DYNC1I1: variants seen among roughly 807,000 people sequenced by gnomAD.
DYNC1I1 encodes the protein dynein cytoplasmic 1 intermediate chain 1.
DYNC1I1 carries 43 observed loss-of-function variants against 86.6 expected under a neutral mutation model. The observed-to-expected ratio is 0.50, with a 90% CI of 0.39 to 0.64. DYNC1I1 has a LOEUF of 0.64. DYNC1I1 is among the 30% of genes least tolerant of loss of function. DYNC1I1 has a pLI of 0.00. For synonymous variants in DYNC1I1, 262 were observed against 283.7 expected (o/e 0.92, Z 0.77); for missense variants, 604 against 788.8 (o/e 0.77, Z 2.81).
intron 6 of DYNC1I1, among the ~76,000 whole-genome samples, chr7:95,916,187 CTA>C (rs1220102547): frequency 6.6e-6 from 1 of 152,184 alleles, no homozygotes; most frequent in Non-Finnish European, 1.5e-5. Context: ...ATATTTCTAA[CTA>C]AAAATTATCT....
chr7:95,992,463 A>T (rs1197643465), intron 9 of DYNC1I1, among the ~76,000 whole-genome samples: 1 of 152,128 alleles, frequency 6.6e-6, no homozygotes, highest in Non-Finnish European at 1.5e-5. Context: ...ATAGCATGGA[A>T]TATGTTATTT....
At position 96,019,977 on chromosome 7, in the gene DYNC1I1, T is replaced by G. The variant is rs563617322; in HGVS notation, c.970-8198T>G. Among the ~76,000 whole-genome samples the G allele has an allele frequency of 3.3e-5, 5 of 150,464 alleles. No homozygotes were observed. In the East Asian group the frequency reaches 9.8e-4, roughly 30 times the overall value. On this transcript the variant is annotated intron_variant, in intron 10 of 16. Transcript: ENST00000447467. ...AATCTTCCAACAGCCCCAGGGAAAATAGGCAAAGAAAATGCCTGTTCCATA... is the reference window on the plus strand; with the variant it reads ...AATCTTCCAACAGCCCCAGGGAAAAGAGGCAAAGAAAATGCCTGTTCCATA...
rs368606523 is a variant in DYNC1I1, at chr7:96,080,493, G to A, written c.1776+5G>A. The A allele has an allele frequency of 9.2e-5, 148 of 1,614,012 alleles. No individual in the cohort carries two copies. Among genetic ancestry groups the A allele is most frequent in the Non-Finnish European group, 1.1e-4 (134 of 1,180,016 alleles). Reference sequence around the variant, plus strand: ...TGGGTCTATGACGTTGGAGAGGTACGTGTGTATTTGTGTTGTTGTTACTGT... The same window carrying A: ...TGGGTCTATGACGTTGGAGAGGTACATGTGTATTTGTGTTGTTGTTACTGT... On this transcript the variant is annotated splice_donor_5th_base_variant and intron_variant, in intron 16 of 16. Transcript: ENST00000447467.
chr7:96,047,162 G>C (rs1055541530), intron 14 of DYNC1I1, among the ~76,000 whole-genome samples: 1 of 152,006 alleles, frequency 6.6e-6, no homozygotes, highest in Non-Finnish European at 1.5e-5. Flanking sequence ...TCTTTTATAA[G>C]GATACTAATC....
intron 8 of DYNC1I1, among the ~76,000 whole-genome samples, chr7:95,985,861 G>A (rs906996631): frequency 6.6e-6 from 1 of 152,132 alleles, no homozygotes; most frequent in East Asian, 1.9e-4. Context: ...ACAGTAGGCA[G>A]CATCTTTAGA....
chr7:95,794,484 C>A (rs1322956014), intron 1 of DYNC1I1, among the ~76,000 whole-genome samples: 1 of 152,090 alleles, frequency 6.6e-6, no homozygotes, highest in Non-Finnish European at 1.5e-5. Flanking sequence ...CCATAGGGGT[C>A]AGAAATTAAA....
intron 6 of DYNC1I1, among the ~76,000 whole-genome samples, chr7:95,872,688 C>T (rs1790204026): frequency 6.6e-6 from 1 of 152,186 alleles, no homozygotes. Flanking sequence ...GTTCTTTCAA[C>T]AAGGTTAGAC....
At chr7:95,846,946 G>T (rs1789449086) in intron 5 of DYNC1I1, among the ~76,000 whole-genome samples, 1 of 152,102 alleles carries the variant, frequency 6.6e-6, no homozygotes, top group African/African-American at 2.4e-5. Context: ...GTGGCTCCCA[G>T]GTCCTCATTT....
At chr7:95,840,152 T>G (rs1789241521) in intron 5 of DYNC1I1, among the ~76,000 whole-genome samples, 1 of 152,200 alleles carries the variant, frequency 6.6e-6, no homozygotes, top group Admixed American at 6.5e-5. Flanking sequence ...TTTTCAGCCA[T>G]TATTTCTCTG....
intron 6 of DYNC1I1, among the ~76,000 whole-genome samples, chr7:95,921,744 G>A (rs934935523): frequency 2.6e-5 from 4 of 152,120 alleles, no homozygotes; most frequent in East Asian, 1.9e-4. Flanking sequence ...TGAATATGTC[G>A]TTTTCCTCTT....
chr7:96,084,851 C>A (rs113454263), intron 16 of DYNC1I1, among the ~76,000 whole-genome samples: 5,918 of 152,278 alleles, frequency 0.039, 160 homozygotes, highest in Non-Finnish European at 0.052. Context: ...CCACAACCCT[C>A]TTTTGATCAC....
At chr7:96,097,165 G>C (rs1243043544) in intron 16 of DYNC1I1, among the ~76,000 whole-genome samples, 5 of 152,034 alleles carry the variant, frequency 3.3e-5, no homozygotes, top group Non-Finnish European at 7.4e-5. Flanking sequence ...CTGTAAGTCT[G>C]GTCTTCTTAT....
chr7:96,081,871 C>G (rs190245517), intron 16 of DYNC1I1, among the ~76,000 whole-genome samples: 364 of 151,940 alleles, frequency 2.4e-3, no homozygotes, highest in Non-Finnish European at 3.0e-3. Context: ...AACCGAATGA[C>G]TTTAGAAATG....
At chr7:95,877,460 C>T (rs1268932244) in intron 6 of DYNC1I1, among the ~76,000 whole-genome samples, 2 of 152,148 alleles carry the variant, frequency 1.3e-5, no homozygotes, top group African/African-American at 4.8e-5. Context: ...AAGAAGTGTG[C>T]CATTGTCCCC....
intron 4 of DYNC1I1, among the ~76,000 whole-genome samples, chr7:95,822,279 G>T (rs1022707231): frequency 6.6e-6 from 1 of 152,184 alleles, no homozygotes; most frequent in African/African-American, 2.4e-5. Flanking sequence ...TTGGTACAAG[G>T]TTTAAAATAT....
chr7:95,934,776 A>G (rs1407722124), intron 6 of DYNC1I1, among the ~76,000 whole-genome samples: 3 of 152,084 alleles, frequency 2.0e-5, no homozygotes, highest in Non-Finnish European at 2.9e-5. Context: ...GCTATCTCAT[A>G]CTATCACTTG....
chr7:95,987,057 G>A lies in DYNC1I1; in HGVS notation c.745G>A (p.Asp249Asn), dbSNP rs1793613487. ...TCTCTGATGTTTAAATCCTCCTAGG[G>A]ATGTTCAGGCTGGAGCCAATCTTTC... ...SGRELEEKDG[D>N]VQAGANLSFN... Residue 249 changes from aspartate to asparagine, a missense_variant and splice_region_variant, in exon 9 of 17, where the codon GAT (aspartate) becomes AAT (asparagine). Transcript: ENST00000447467. 1.2e-6 allele frequency: 2 copies of A among 1,613,532 alleles called. No homozygotes were observed. Among genetic ancestry groups the A allele is most frequent in the African/African-American group, 2.7e-5 (2 of 74,858 alleles).
intron 8 of DYNC1I1, among the ~76,000 whole-genome samples, 168 bp from the exon 9 acceptor site, chr7:95,986,888 T>A (rs184415509): frequency 6.6e-6 from 1 of 152,226 alleles, no homozygotes; most frequent in Admixed American, 6.5e-5. Context: ...GAGCTTTTCA[T>A]AAAGAAGACC....
intron 2 of DYNC1I1, among the ~76,000 whole-genome samples, chr7:95,805,720 ACC>A (rs1794687183): frequency 6.6e-6 from 1 of 152,190 alleles, no homozygotes; most frequent in Non-Finnish European, 1.5e-5. Flanking sequence ...AAAACCAGAT[ACC>A]AAAGATATTT....
Sources: gnomAD v4.1 joint callset for allele counts (sites outside exome capture counted in the v4.1 genomes callset) on GRCh38, gnomAD v4.1.1 for gene constraint, MANE v1.5 for transcripts, NCBI Gene and HGNC (gene_info 2026-07-23, HGNC 2026-07-21) for gene names.